KYNU: variants seen among roughly 807,000 people sequenced by gnomAD.
KYNU encodes L-kynurenine hydrolase.
In KYNU, 54 loss-of-function variants were observed where a neutral mutation model predicts 59.2. The ratio of observed to expected loss-of-function variants is 0.91; its 90% CI spans 0.73 to 1.14. The LOEUF (loss-of-function observed/expected upper bound fraction) is 1.14. Among genes scored for constraint, KYNU ranks in the 50% most tolerant of loss-of-function variants. The probability of loss-of-function intolerance (pLI) is 0.00; values close to 1 mark genes in which losing one functional copy is unlikely to be tolerated. For missense variants in KYNU, 567 were observed against 554.4 expected, an observed-to-expected ratio of 1.02 and a Z score of -0.23; for synonymous variants, 177 against 192.0, an observed-to-expected ratio of 0.92 and a Z score of 0.65.
At chr2:142,912,442 C>T (rs1490077038) in intron 2 of KYNU, among the ~76,000 whole-genome samples, 2 of 133,710 alleles carry the variant, frequency 1.5e-5, no homozygotes, top group African/African-American at 5.8e-5. Context: ...TGCAATGGTG[C>T]GATCTCGGCT....
chr2:142,995,776 T>A (rs1306347103), intron 10 of KYNU, among the ~76,000 whole-genome samples: 2 of 152,118 alleles, frequency 1.3e-5, no homozygotes, highest in Non-Finnish European at 2.9e-5. Context: ...TTAGCCATAC[T>A]TTTGTTTTTC....
chr2:142,978,615 C>T (rs72990720), intron 8 of KYNU, among the ~76,000 whole-genome samples: 2,537 of 152,278 alleles, frequency 0.017, 69 homozygotes, highest in African/African-American at 0.058. Flanking sequence ...CATTCACAGG[C>T]TGATATTCGC....
chr2:142,901,330 G>T (rs926844987), intron 2 of KYNU, among the ~76,000 whole-genome samples: 2 of 152,186 alleles, frequency 1.3e-5, no homozygotes, highest in Non-Finnish European at 2.9e-5. Flanking sequence ...CTACGTCCTT[G>T]TGAGGTTCCC....
chr2:142,974,746 G>A (rs1313694436), intron 8 of KYNU, among the ~76,000 whole-genome samples: 1 of 152,104 alleles, frequency 6.6e-6, no homozygotes, highest in Non-Finnish European at 1.5e-5. Flanking sequence ...GCTCAAGAAG[G>A]CCTATACAAA....
intron 3 of KYNU, among the ~76,000 whole-genome samples, chr2:142,927,006 T>G (rs1339730758): frequency 6.6e-6 from 1 of 152,240 alleles, no homozygotes; most frequent in Non-Finnish European, 1.5e-5. Flanking sequence ...CTTCTTCATT[T>G]CATGGAAATT....
chr2:142,956,023 T>C (rs550854673), intron 5 of KYNU, among the ~76,000 whole-genome samples, 180 bp from the exon 6 acceptor site: 2 of 152,274 alleles, frequency 1.3e-5, no homozygotes, highest in South Asian at 4.1e-4. Context: ...ATATCTTCTT[T>C]CTCTTTGAGA....
Position 142,992,677 on chromosome 2 carries a change from A to G in KYNU, c.902+6656A>G, listed in dbSNP as rs1190297753. On this transcript the variant is annotated intron_variant, in intron 10 of 13. Transcript: ENST00000264170. ...TTCTATCTCAGAAACTAAATATGGT[A>G]AAACTTGCATTTTATCTCACATAGG... Among the ~76,000 whole-genome samples, 3 of 151,930 alleles carry G rather than the reference A, an allele frequency of 2.0e-5. No individual in the cohort carries two copies. In the East Asian group the frequency reaches 5.8e-4, roughly 29 times the overall value.
chr2:142,992,935 G>A (rs1685444204), intron 10 of KYNU, among the ~76,000 whole-genome samples: 1 of 152,032 alleles, frequency 6.6e-6, no homozygotes, highest in African/African-American at 2.4e-5. Flanking sequence ...CTTAGAATAT[G>A]TGCCATAAGG....
chr2:142,947,072 A>T, intron 4 of KYNU: 1 of 1,550,828 alleles, frequency 6.4e-7, no homozygotes, highest in South Asian at 1.2e-5. Context: ...TCCTGTGACT[A>T]ATGTCAAACA....
In KYNU at chr2:143,009,896, T is replaced by C. The variant is rs979883936; in HGVS notation, c.903-19731T>C. ...TAAAAACTCTCAATAAATTAGGTATTGATGGGATGTATTTCAAAATAATAA... is the reference window on the plus strand; with the variant it reads ...TAAAAACTCTCAATAAATTAGGTATCGATGGGATGTATTTCAAAATAATAA... On this transcript the variant is annotated intron_variant, in intron 10 of 13. Transcript: ENST00000264170. 1.4e-4 allele frequency among the ~76,000 whole-genome samples: 16 copies of C among 116,800 alleles called. 3 individuals are homozygous for C. Among genetic ancestry groups the C allele is most frequent in the Non-Finnish European group, 2.4e-4 (14 of 59,100 alleles). The allele number at this position is 116,800 out of a possible 152,430, so 76.6% of individuals were successfully genotyped here.
chr2:143,026,040 G>T (rs1341601749), intron 10 of KYNU, among the ~76,000 whole-genome samples: 1 of 152,092 alleles, frequency 6.6e-6, no homozygotes, highest in Non-Finnish European at 1.5e-5. Context: ...ATGATAATTA[G>T]AAACTTTCTT....
intron 5 of KYNU, among the ~76,000 whole-genome samples, chr2:142,955,320 T>A (rs1684127800): frequency 6.6e-6 from 1 of 152,112 alleles, no homozygotes; most frequent in African/African-American, 2.4e-5. Flanking sequence ...GTACCTTAAA[T>A]GAGTTAATGT....
intron 4 of KYNU, among the ~76,000 whole-genome samples, chr2:142,943,539 C>T (rs1004515103): frequency 1.3e-5 from 2 of 151,914 alleles, no homozygotes; most frequent in Non-Finnish European, 2.9e-5. Flanking sequence ...ATAACTTTCC[C>T]TTATAATTAA....
At chr2:142,961,607 A>C (rs1334324059) in intron 8 of KYNU, among the ~76,000 whole-genome samples, 2 of 152,180 alleles carry the variant, frequency 1.3e-5, no homozygotes, top group Non-Finnish European at 2.9e-5. Context: ...AGGCCATTTT[A>C]TTCCTAAGAC....
chr2:142,897,899 C>T (rs768367801), intron 2 of KYNU, among the ~76,000 whole-genome samples: 12 of 151,986 alleles, frequency 7.9e-5, no homozygotes, highest in Non-Finnish European at 1.5e-4. Flanking sequence ...TCTCTATCTT[C>T]ATTTATTTAT....
chr2:142,905,270 TG>T (rs1473274462), intron 2 of KYNU, among the ~76,000 whole-genome samples: 1 of 152,218 alleles, frequency 6.6e-6, no homozygotes, highest in Non-Finnish European at 1.5e-5. Context: ...GAGAAAAAGA[TG>T]GGCTTGCTGG....
chr2:142,947,031 C>T lies in KYNU; in HGVS notation c.374-7779C>T, dbSNP rs933833706. 7.8e-6 allele frequency: 12 copies of T among 1,545,380 alleles called. No individual in the cohort carries two copies. The African/African-American group carries it at 1.1e-4, about 14-fold the overall frequency. On this transcript the variant is annotated intron_variant, in intron 4 of 13. Coordinates refer to ENST00000264170, the MANE Select transcript of KYNU (RefSeq NM_003937.3). ...TAATTTCATGGTACCCTTTTGTGGG[C>T]TGATTCTCACCTCACCCTTCCCCAA...
chr2:143,016,769 A>G (rs186373054), intron 10 of KYNU, among the ~76,000 whole-genome samples: 53 of 152,134 alleles, frequency 3.5e-4, no homozygotes, highest in African/African-American at 1.3e-3. Flanking sequence ...TTAGATTCAG[A>G]GGGTACCTAT....
chr2:142,896,249 C>T (rs537789520), intron 2 of KYNU, among the ~76,000 whole-genome samples: 62 of 152,192 alleles, frequency 4.1e-4, no homozygotes, highest in Admixed American at 7.2e-4. Context: ...TGCATTGCCA[C>T]CAGTAATGTG....
Sources: allele counts gnomAD v4.1 joint callset (sites outside exome capture counted in the v4.1 genomes callset), GRCh38; gene constraint gnomAD v4.1.1; transcripts MANE v1.5; gene names NCBI Gene and HGNC (gene_info 2026-07-23, HGNC 2026-07-21).